Variants in FBLN1 observed in about 807,000 individuals in gnomAD.
The protein encoded by FBLN1 is fibulin-1.
FBLN1 carries 34 observed loss-of-function variants against 89.7 expected under a neutral mutation model. The ratio of observed to expected loss-of-function variants is 0.38; its 90% CI spans 0.29 to 0.50. The LOEUF (loss-of-function observed/expected upper bound fraction) is 0.50. Among genes scored for constraint, FBLN1 ranks in the 20% least tolerant of loss-of-function variants. The pLI is 0.92. For synonymous variants in FBLN1, 393 were observed against 391.3 expected (o/e 1.00, Z -0.05); for missense variants, 777 against 988.1 (o/e 0.79, Z 2.86).
At chr22:45,554,040 G>A (rs575638079) in intron 14 of FBLN1, among the ~76,000 whole-genome samples, 1 of 152,386 alleles carries the variant, frequency 6.6e-6, no homozygotes, top group South Asian at 2.1e-4. Context: ...AAGCTTTGAA[G>A]TAAGACAGGC....
chr22:45,538,771 G>A lies in FBLN1; in HGVS notation c.923-2458G>A, dbSNP rs576114251. Among the ~76,000 whole-genome samples, 29 of 152,148 alleles carry A rather than the reference G, an allele frequency of 1.9e-4. No individual in the cohort carries two copies. In the East Asian group the frequency reaches 3.3e-3, roughly 17 times the overall value. ...AACAGCATGGTCCGTGGTGGGAAGC[G>A]TTGATTTCCTTGTGTAGCCAGAATC... On this transcript the variant is annotated intron_variant, in intron 8 of 16. Transcript: ENST00000327858.
chr22:45,592,841 C>T (rs2089150837), intron 16 of FBLN1, among the ~76,000 whole-genome samples: 1 of 152,226 alleles, frequency 6.6e-6, no homozygotes, highest in Admixed American at 6.5e-5. Flanking sequence ...CAGCCCTACA[C>T]TTCCCTTCCT....
Position 45,533,050 on chromosome 22 carries a change from G to T in FBLN1, c.545-13G>T. 1 of 1,612,682 alleles carries T rather than the reference G, an allele frequency of 6.2e-7. No homozygotes were observed. ...GTGCGTCCATCCCTGGCTCATGCAC[G>T]CTGTGCTTCCAGGAGGCGGGCCCTG... On this transcript the variant is annotated splice_polypyrimidine_tract_variant and intron_variant, in intron 5 of 16. Coordinates refer to ENST00000327858, the MANE Select transcript of FBLN1 (RefSeq NM_006486.3).
rs967148682 is a variant in FBLN1 at position 45,537,288 on chromosome 22, C to A, written c.922+1951C>A. On this transcript the variant is annotated intron_variant, in intron 8 of 16. Transcript: ENST00000327858. The surrounding 1 kb of genome is among the most constrained non-coding windows in gnomAD (Gnocchi z 5.7). Reference sequence around the variant, plus strand: ...AGTGGTTTGGAGAGAGAGCTCTTCCCCCACTGCATTATTTTTAACCACTGA... The same window carrying A: ...AGTGGTTTGGAGAGAGAGCTCTTCCACCACTGCATTATTTTTAACCACTGA... Among the ~76,000 whole-genome samples the A allele has an allele frequency of 1.4e-4, 22 of 152,122 alleles. No individual in the cohort carries two copies. Among genetic ancestry groups the A allele is most frequent in the African/African-American group, 5.3e-4 (22 of 41,434 alleles).
rs1273302391 is a variant in FBLN1, at chr22:45,536,601, C to T, written c.922+1264C>T. ...CCAATATAGTGAAACCCCATCTCTA[C>T]TAAAAATACAAAAATTAGCTGGGCG... is the stretch of plus-strand genomic sequence containing the variant. On this transcript the variant is annotated intron_variant, in intron 8 of 16. Coordinates refer to ENST00000327858, the MANE Select transcript of FBLN1 (RefSeq NM_006486.3). This position sits in a 1 kb window ranked among gnomAD's most constrained non-coding sequence, Gnocchi z 5.1. 2.0e-5 allele frequency among the ~76,000 whole-genome samples: 3 copies of T among 152,044 alleles called. No individual in the cohort carries two copies. The highest frequency in any genetic ancestry group is 2.0e-4 in the Admixed American group (3 of 15,278).
Position 45,527,910 on chromosome 22 carries a change from A to T in FBLN1, c.385A>T (p.Ser129Cys), listed in dbSNP as rs372319001. 5.0e-6 allele frequency: 8 copies of T among 1,614,180 alleles called. No individual in the cohort carries two copies. Among genetic ancestry groups the T allele is most frequent in the Non-Finnish European group, 6.8e-6 (8 of 1,180,038 alleles). The change falls in exon 4 of 17, where the codon AGC becomes TGC. Residue 129 changes from serine to cysteine, a missense_variant. By Grantham distance (112) the Ser-to-Cys change is moderately radical (BLOSUM62 -1). Coordinates refer to ENST00000327858, the MANE Select transcript of FBLN1 (RefSeq NM_006486.3). Reference sequence around the variant, plus strand: ...GGCCCAGGGCCAGAGCTGCGAGTACAGCCTCATGGTTGGCTACCAGTGTGG... The same window carrying T: ...GGCCCAGGGCCAGAGCTGCGAGTACTGCCTCATGGTTGGCTACCAGTGTGG... ...AQAQGQSCEY[S>C]LMVGYQCGQV...
At position 45,590,440 on chromosome 22, in the gene FBLN1, C is replaced by T. The variant is rs753079783; in HGVS notation, c.1973-9867C>T. On this transcript the variant is annotated intron_variant, in intron 16 of 16. Coordinates refer to ENST00000327858, the MANE Select transcript of FBLN1 (RefSeq NM_006486.3). This position sits in a 1 kb window ranked among gnomAD's most constrained non-coding sequence, Gnocchi z 4.1. ...CTGGGGCAGTGTGCTGAGAGCTGGG[C>T]TGGACGGGGCCGTGGGCCTCAGCAA... 9.9e-5 allele frequency among the ~76,000 whole-genome samples: 15 copies of T among 152,198 alleles called. No individual in the cohort carries two copies. Among genetic ancestry groups the T allele is most frequent in the Non-Finnish European group, 1.9e-4 (13 of 68,034 alleles).
In FBLN1 at chr22:45,562,034, C is replaced by T. The variant is rs894342989; in HGVS notation, c.1697+11419C>T. 4.6e-5 allele frequency among the ~76,000 whole-genome samples: 7 copies of T among 152,186 alleles called. No individual in the cohort carries two copies. Among genetic ancestry groups the T allele is most frequent in the African/African-American group, 1.7e-4 (7 of 41,424 alleles). On this transcript the variant is annotated intron_variant, in intron 14 of 16. Transcript: ENST00000327858. The surrounding 1 kb of genome is among the most constrained non-coding windows in gnomAD (Gnocchi z 7.8). ...CCAGCCCACTGACTCAAATGTGACTCTCTTTTGGCAACACCCTCACAGACA... is the reference window on the plus strand; with the variant it reads ...CCAGCCCACTGACTCAAATGTGACTTTCTTTTGGCAACACCCTCACAGACA...
In FBLN1 at chr22:45,580,553, T is replaced by C. The variant is rs1423722165; in HGVS notation, c.1972+3445T>C. 2.0e-5 allele frequency among the ~76,000 whole-genome samples: 3 copies of C among 152,114 alleles called. No homozygotes were observed. The East Asian group carries it at 5.8e-4, about 29-fold the overall frequency. ...TGTGACACGGTGGGATTATCTCCTCTAACAAAGGAGAGAGCGAGAGCCAGA... is the reference window on the plus strand; with the variant it reads ...TGTGACACGGTGGGATTATCTCCTCCAACAAAGGAGAGAGCGAGAGCCAGA... On this transcript the variant is annotated intron_variant, in intron 16 of 16. Transcript: ENST00000327858. This position sits in a 1 kb window ranked among gnomAD's most constrained non-coding sequence, Gnocchi z 8.6.
chr22:45,593,042 G>C (rs2146666209), intron 16 of FBLN1, among the ~76,000 whole-genome samples: 1 of 152,254 alleles, frequency 6.6e-6, no homozygotes, highest in African/African-American at 2.4e-5. Context: ...AAGATGACGT[G>C]CCCAAGGTCA....
chr22:45,553,255 A>C (rs2088728993), intron 14 of FBLN1, among the ~76,000 whole-genome samples: 1 of 152,198 alleles, frequency 6.6e-6, no homozygotes, highest in Non-Finnish European at 1.5e-5. Flanking sequence ...GATCATTTCC[A>C]TAGAGCTTGA....
At chr22:45,517,615 T>C (rs1360626585) in intron 1 of FBLN1, 2 of 471,126 alleles carry the variant, frequency 4.2e-6, no homozygotes. Context: ...CGGTTACTCC[T>C]GAACCTGTGC....
chr22:45,541,043 G>C (rs1265821975), intron 8 of FBLN1, among the ~76,000 whole-genome samples, 186 bp from the exon 9 acceptor site: 1 of 152,256 alleles, frequency 6.6e-6, no homozygotes, highest in Non-Finnish European at 1.5e-5. Flanking sequence ...GTTTGAGGCG[G>C]TATGCAGTGA....
chr22:45,508,132 T>TC (rs979249896), intron 1 of FBLN1, among the ~76,000 whole-genome samples: 14 of 151,758 alleles, frequency 9.2e-5, no homozygotes, highest in Admixed American at 6.6e-4. Flanking sequence ...GCTGTCATTG[T>TC]CCCCCTCATC....
chr22:45,508,711 G>A (rs2088059111), intron 1 of FBLN1, among the ~76,000 whole-genome samples: 1 of 152,142 alleles, frequency 6.6e-6, no homozygotes, highest in South Asian at 2.1e-4. Flanking sequence ...ATGGCCTCGG[G>A]CAACTTGGTG....
chr22:45,505,507 C>A lies in FBLN1; in HGVS notation c.79+2443C>A, dbSNP rs996841665. 3.9e-5 allele frequency among the ~76,000 whole-genome samples: 6 copies of A among 152,318 alleles called. No individual in the cohort carries two copies. The Middle Eastern group carries it at 0.014, about 345-fold the overall frequency. On this transcript the variant is annotated intron_variant, in intron 1 of 16. Coordinates refer to ENST00000327858, the MANE Select transcript of FBLN1 (RefSeq NM_006486.3). ...CCCGCTCCTGGCCCTGCTGAGTGCC[C>A]CCCAACTCAGGGCTGCATTTGCCAC...
chr22:45,583,363 G>A lies in FBLN1; in HGVS notation c.1972+6255G>A, dbSNP rs2089058397. ...GCGATGAAGTCCACATGATCGAAGGGTGGATGCTTACCTTAGACAGCTGCT... is the reference window on the plus strand; with the variant it reads ...GCGATGAAGTCCACATGATCGAAGGATGGATGCTTACCTTAGACAGCTGCT... On this transcript the variant is annotated intron_variant, in intron 16 of 16. Transcript: ENST00000327858. This position sits in a 1 kb window ranked among gnomAD's most constrained non-coding sequence, Gnocchi z 4.5. Among the ~76,000 whole-genome samples the A allele has an allele frequency of 6.6e-6, 1 of 152,174 alleles. No homozygotes were observed.
rs751529406 is a variant in FBLN1, at chr22:45,542,189, T to G, written c.1101T>G (p.Cys367Trp). 1 of 1,614,168 alleles carries G rather than the reference T, an allele frequency of 6.2e-7. No homozygotes were observed. Among genetic ancestry groups the G allele is most frequent in the East Asian group, 2.2e-5 (1 of 44,888 alleles). The change falls in exon 10 of 17, where the codon TGT (cysteine) becomes TGG (tryptophan). Residue 367 changes from cysteine (C) to tryptophan (W), a missense_variant. Cys to Trp is a radical substitution (Grantham distance 215, BLOSUM62 -2). Transcript: ENST00000327858. ...AGTGCGCGCCACCTGCTGAGCCCTGTGGGAAGGGACATCGCTGCGTGAACT... is the reference window on the plus strand; with the variant it reads ...AGTGCGCGCCACCTGCTGAGCCCTGGGGGAAGGGACATCGCTGCGTGAACT... ...VDECAPPAEP[C>W]GKGHRCVNSP...
Position 45,545,312 on chromosome 22 carries a change from G to A in FBLN1, c.1322-1773G>A, listed in dbSNP as rs530903979. Among the ~76,000 whole-genome samples the A allele has an allele frequency of 3.5e-4, 54 of 152,234 alleles. No individual in the cohort carries two copies. The highest frequency in any genetic ancestry group is 1.5e-3 in the Admixed American group (23 of 15,294). ...GCCATGGTGTCCTCATCTGTAAAAC[G>A]GGCATAGTAGGACCAACCCCATAGG... On this transcript the variant is annotated intron_variant, in intron 11 of 16. Coordinates refer to ENST00000327858, the MANE Select transcript of FBLN1 (RefSeq NM_006486.3). This position sits in a 1 kb window ranked among gnomAD's most constrained non-coding sequence, Gnocchi z 5.9.
Sources: allele counts gnomAD v4.1 joint callset (sites outside exome capture counted in the v4.1 genomes callset), GRCh38; gene constraint gnomAD v4.1.1; non-coding constraint Gnocchi (gnomAD v3.1); transcripts MANE v1.5; gene names NCBI Gene and HGNC (gene_info 2026-07-23, HGNC 2026-07-21).